The following DLC1 variants were observed in gnomAD, a reference collection of about 807,000 sequenced individuals.
DLC1 encodes rho GTPase-activating protein 7.
A neutral mutation model predicts 140.3 loss-of-function variants in DLC1; 54 were observed. The observed-to-expected ratio is 0.38, with a 90% CI of 0.31 to 0.48. The LOEUF is 0.48. Ranked by LOEUF, DLC1 falls within the 20% of genes least tolerant of loss-of-function variation. The probability of loss-of-function intolerance (pLI) is 0.96; values close to 1 mark genes in which losing one functional copy is unlikely to be tolerated. For synonymous variants in DLC1, 986 were observed against 728.1 expected (o/e 1.35, Z -5.70); for missense variants, 2,536 against 1,907.0 (o/e 1.33, Z -6.14).
chr8:13,164,615 G>C (rs1245101676), intron 5 of DLC1, among the ~76,000 whole-genome samples: 1 of 152,144 alleles, frequency 6.6e-6, no homozygotes, highest in Non-Finnish European at 1.5e-5. Flanking sequence ...ATGGGATGTG[G>C]TGTGTGAATT....
chr8:13,531,965 C>A (rs961993200), intron 1 of DLC1, among the ~76,000 whole-genome samples: 4 of 152,166 alleles, frequency 2.6e-5, no homozygotes, highest in East Asian at 1.9e-4. Context: ...TAGTTAGGGG[C>A]AAGACTCTCC....
In DLC1 at chr8:13,370,856, C is replaced by T. The variant is rs564624610; in HGVS notation, c.1314+22697G>A. 7.4e-4 allele frequency among the ~76,000 whole-genome samples: 112 copies of T among 152,268 alleles called. No individual in the cohort carries two copies. In the Middle Eastern group the frequency reaches 0.017, roughly 23 times the overall value. ...GGTGTTCAAACCCTCATTGGACTAG[C>T]TTAGGACGAGTGGATCCCTGCCTTC... is the stretch of plus-strand genomic sequence containing the variant. On this transcript the variant is annotated intron_variant, in intron 4 of 17. Transcript: ENST00000276297.
rs1441793551 is a variant in DLC1 at position 13,500,088 on chromosome 8, A to G, written c.-17T>C. ...TACAGACATGTCATCGTAGTTTAAC[A>G]ACAGACAGAGAGATATATTCCATAT... is the stretch of plus-strand genomic sequence containing the variant. On this transcript the variant is annotated 5_prime_UTR_variant, in exon 2 of 18. Coordinates refer to ENST00000276297, the MANE Select transcript of DLC1 (RefSeq NM_182643.3). 5.0e-6 allele frequency: 8 copies of G among 1,599,566 alleles called. No individual in the cohort carries two copies. The highest frequency in any genetic ancestry group is 6.8e-6 in the Non-Finnish European group (8 of 1,169,122).
intron 2 of DLC1, among the ~76,000 whole-genome samples, chr8:13,414,032 G>A (rs1295881146): frequency 6.6e-6 from 1 of 151,948 alleles, no homozygotes; most frequent in Non-Finnish European, 1.5e-5. Flanking sequence ...AACGCTTATT[G>A]AAAACAAAAA....
chr8:13,278,445 G>T (rs1311201297), intron 5 of DLC1, among the ~76,000 whole-genome samples: 1 of 152,168 alleles, frequency 6.6e-6, no homozygotes, highest in Non-Finnish European at 1.5e-5. Context: ...GCTGTTTTAG[G>T]CCTGCGGAAC....
chr8:13,189,921 C>T (rs1422613508), intron 5 of DLC1, among the ~76,000 whole-genome samples: 1 of 151,846 alleles, frequency 6.6e-6, no homozygotes, highest in African/African-American at 2.4e-5. Flanking sequence ...GCCCTGGCTT[C>T]CCACAAAGCC....
At chr8:13,577,866 C>T (rs1431390616) in intron 1 of DLC1, among the ~76,000 whole-genome samples, 1 of 151,992 alleles carries the variant, frequency 6.6e-6, no homozygotes, top group South Asian at 2.1e-4. Context: ...AGGGGCTTCA[C>T]CCATGACAAT....
At chr8:13,409,690 A>T (rs1837704732) in intron 2 of DLC1, among the ~76,000 whole-genome samples, 1 of 152,200 alleles carries the variant, frequency 6.6e-6, no homozygotes, top group Non-Finnish European at 1.5e-5. Context: ...TTCAAGAGCA[A>T]TGTGACTCCA....
At chr8:13,238,845 G>T (rs1829412051) in intron 5 of DLC1, among the ~76,000 whole-genome samples, 1 of 152,166 alleles carries the variant, frequency 6.6e-6, no homozygotes. Flanking sequence ...CTTCCAGGAG[G>T]GGCGTGGGCT....
chr8:13,300,282 G>A (rs1181413268), intron 5 of DLC1, among the ~76,000 whole-genome samples: 1 of 152,068 alleles, frequency 6.6e-6, no homozygotes, highest in Non-Finnish European at 1.5e-5. Flanking sequence ...GCCTTTTTTG[G>A]GGAGGATGGT....
chr8:13,222,738 T>G (rs1440051747), intron 5 of DLC1, among the ~76,000 whole-genome samples: 1 of 152,116 alleles, frequency 6.6e-6, no homozygotes, highest in Non-Finnish European at 1.5e-5. Flanking sequence ...CACCTAAATT[T>G]TTGAGGGGTG....
intron 4 of DLC1, among the ~76,000 whole-genome samples, chr8:13,363,657 AAAAC>A (rs1835348067): frequency 6.6e-6 from 1 of 152,170 alleles, no homozygotes. Context: ...CATAAAATTG[AAAAC>A]AAACAAAAAA....
intron 1 of DLC1, among the ~76,000 whole-genome samples, chr8:13,592,027 T>A (rs531231162): frequency 3.9e-5 from 6 of 152,158 alleles, no homozygotes; most frequent in African/African-American, 1.4e-4. Flanking sequence ...CTGACATGAT[T>A]AAAGGCTTGG....
chr8:13,411,017 G>A (rs557131066), intron 2 of DLC1, among the ~76,000 whole-genome samples: 6 of 152,108 alleles, frequency 3.9e-5, no homozygotes, highest in Non-Finnish European at 7.4e-5. Context: ...CTTGGAAAAC[G>A]AAAATGAAGA....
chr8:13,111,698 G>A (rs922613365), intron 6 of DLC1, among the ~76,000 whole-genome samples: 7 of 152,026 alleles, frequency 4.6e-5, no homozygotes, highest in African/African-American at 1.7e-4. Context: ...CACCCTCTTG[G>A]AGTCCCAACT....
At chr8:13,294,641 T>C (rs1831878914) in intron 5 of DLC1, among the ~76,000 whole-genome samples, 1 of 152,088 alleles carries the variant, frequency 6.6e-6, no homozygotes, top group South Asian at 2.1e-4. Context: ...AGGTGCGTGC[T>C]AGAAGAGGAT....
intron 4 of DLC1, among the ~76,000 whole-genome samples, chr8:13,310,205 T>C (rs1418616784): frequency 6.6e-6 from 1 of 152,230 alleles, no homozygotes; most frequent in African/African-American, 2.4e-5. Flanking sequence ...TTGTGCTTTC[T>C]CTTTTTATAG....
intron 1 of DLC1, among the ~76,000 whole-genome samples, chr8:13,563,413 A>C (rs558417402): frequency 1.3e-5 from 2 of 152,328 alleles, no homozygotes; most frequent in South Asian, 4.1e-4. Context: ...TATATCCTAG[A>C]AAAAATGATG....
intron 5 of DLC1, among the ~76,000 whole-genome samples, chr8:13,178,237 C>A (rs1295785052): frequency 1.3e-5 from 2 of 152,192 alleles, no homozygotes; most frequent in East Asian, 1.9e-4. Context: ...TCATAGACAA[C>A]CCAAAAGGCA....
Sources: gnomAD v4.1 joint callset for allele counts (sites outside exome capture counted in the v4.1 genomes callset) on GRCh38, gnomAD v4.1.1 for gene constraint, MANE v1.5 for transcripts, NCBI Gene and HGNC (gene_info 2026-07-23, HGNC 2026-07-21) for gene names.